The following LDLRAD2 variants were observed in gnomAD, a reference collection of about 807,000 sequenced individuals.
LDLRAD2 encodes the protein low density lipoprotein receptor class A domain containing 2, also known as low-density lipoprotein receptor class A domain-containing protein 2.
Under a neutral mutation model 24.9 loss-of-function variants are expected in LDLRAD2, and 25 were observed. The ratio of observed to expected loss-of-function variants is 1.00; its 90% CI spans 0.73 to 1.40. The LOEUF is 1.40. LDLRAD2 is among the 40% of genes most tolerant of loss of function. The pLI is 0.00. For synonymous variants in LDLRAD2, 182 were observed against 166.7 expected (o/e 1.09, Z -0.71); for missense variants, 391 against 366.2 (o/e 1.07, Z -0.55).
rs555241640 is a variant in LDLRAD2, at chr1:21,823,385, C to T, written c.*1170C>T. The T allele has an allele frequency of 1.3e-5, 20 of 1,554,710 alleles. No individual in the cohort carries two copies. Among genetic ancestry groups the T allele is most frequent in the East Asian group, 9.5e-5 (4 of 42,072 alleles). On this transcript the variant is annotated 3_prime_UTR_variant, in exon 5 of 5. Transcript: ENST00000344642. Reference sequence around the variant, plus strand: ...GCTGCAGGTCCAGGGGCTGTGGGGGCGGGGCGCCGGGTCGGGCCGAGTGCA... The same window carrying T: ...GCTGCAGGTCCAGGGGCTGTGGGGGTGGGGCGCCGGGTCGGGCCGAGTGCA...
rs771045786 is a variant in LDLRAD2, at chr1:21,823,325, G to A, written c.*1110G>A. On this transcript the variant is annotated 3_prime_UTR_variant, in exon 5 of 5. Transcript: ENST00000344642. ...TGGGGCAGGCAGGTGCCTACGAGGG[G>A]CAGGGGCGTGTGTTGGCCCCGGCCT... 4 of 1,537,904 alleles carry A rather than the reference G, an allele frequency of 2.6e-6. No homozygotes were observed. The South Asian group carries it at 3.6e-5, about 14-fold the overall frequency.
chr1:21,824,885 C>T lies in LDLRAD2; in HGVS notation c.*2670C>T. 2 of 1,069,032 alleles carry T rather than the reference C, an allele frequency of 1.9e-6. No homozygotes were observed. Among genetic ancestry groups the T allele is most frequent in the East Asian group, 2.6e-5 (1 of 38,638 alleles). 66.2% of individuals were successfully genotyped at this position (1,069,032 alleles called of 1,614,324 possible). A position where few individuals can be genotyped will look rare whatever the true frequency, so the allele number is the denominator to read the frequency against. ...CACGCCAACATGCAGGACTAGGGGG[C>T]TCCGAGCCTGCAGTCCCTGGGGACC... On this transcript the variant is annotated 3_prime_UTR_variant, in exon 5 of 5. Transcript: ENST00000344642. This position sits in a 1 kb window ranked among gnomAD's most constrained non-coding sequence, Gnocchi z 5.9.
chr1:21,822,174 C>T (rs2097953299), intron 4 of LDLRAD2, 28 bp from the exon 5 acceptor site: 1 of 1,614,022 alleles, frequency 6.2e-7, no homozygotes, highest in Non-Finnish European at 8.5e-7. Context: ...CCCCAGATCT[C>T]ACCTGCCCTG....
chr1:21,816,320 A>C (rs1475657323), intron 3 of LDLRAD2, among the ~76,000 whole-genome samples: 1 of 152,222 alleles, frequency 6.6e-6, no homozygotes, highest in Non-Finnish European at 1.5e-5. Context: ...GGGACCTGGC[A>C]TGGAGGCCCA....
chr1:21,816,503 G>A (rs1323572729), intron 3 of LDLRAD2, among the ~76,000 whole-genome samples: 5 of 152,182 alleles, frequency 3.3e-5, no homozygotes, highest in Non-Finnish European at 1.5e-5. Context: ...AGAGAGAAGT[G>A]ACTTGCCCAA....
chr1:21,822,288 C>T lies in LDLRAD2; in HGVS notation c.*73C>T, dbSNP rs1380816629. 6.7e-7 allele frequency: 1 copy of T among 1,492,876 alleles called. No homozygotes were observed. The highest frequency in any genetic ancestry group is 9.3e-7 in the Non-Finnish European group (1 of 1,071,212). 92.5% of individuals were successfully genotyped at this position (1,492,876 alleles called of 1,614,324 possible). A position where few individuals can be genotyped will look rare whatever the true frequency, so the allele number is the denominator to read the frequency against. ...TATTAAGAAAAATCAAGACAAAGAC[C>T]ACAGGAGGGTCCCTTCTAGGACACA... On this transcript the variant is annotated 3_prime_UTR_variant, in exon 5 of 5. Transcript: ENST00000344642.
chr1:21,822,562 G>T lies in LDLRAD2; in HGVS notation c.*347G>T. 2 of 333,304 alleles carry T rather than the reference G, an allele frequency of 6.0e-6. No individual in the cohort carries two copies. Among genetic ancestry groups the T allele is most frequent in the Non-Finnish European group, 5.7e-6 (1 of 174,118 alleles). 20.6% of individuals were successfully genotyped at this position (333,304 alleles called of 1,614,324 possible). A position where few individuals can be genotyped will look rare whatever the true frequency, so the allele number is the denominator to read the frequency against. On this transcript the variant is annotated 3_prime_UTR_variant, in exon 5 of 5. Coordinates refer to ENST00000344642, the MANE Select transcript of LDLRAD2 (RefSeq NM_001013693.3). ...GATGGGTGGGGATGTGGCCTGGGGT[G>T]GGCGGGGCCCGGTGGGCGGGGCCCT... is the stretch of plus-strand genomic sequence containing the variant.
At chr1:21,818,019 GGT>G (rs1491430924) in intron 3 of LDLRAD2, among the ~76,000 whole-genome samples, 5 of 151,932 alleles carry the variant, frequency 3.3e-5, no homozygotes, top group Non-Finnish European at 5.9e-5. Flanking sequence ...TGGGATTACA[GGT>G]GCACACCACC....
At position 21,815,940 on chromosome 1, in the gene LDLRAD2, C is replaced by T. The variant is rs773018721; in HGVS notation, c.512-3C>T. On this transcript the variant is annotated splice_region_variant and splice_polypyrimidine_tract_variant and intron_variant, in intron 2 of 4. Transcript: ENST00000344642. Reference sequence around the variant, plus strand: ...CACCTCAGGCTTCTGCTTCTGGCCTCAGGACCTTGTGGTGCCTACTTCCGC... The same window carrying T: ...CACCTCAGGCTTCTGCTTCTGGCCTTAGGACCTTGTGGTGCCTACTTCCGC... 1.9e-6 allele frequency: 3 copies of T among 1,613,752 alleles called. No individual in the cohort carries two copies. The Admixed American group carries it at 5.0e-5, about 27-fold the overall frequency.
At chr1:21,813,855 T>C (rs13374837) in intron 1 of LDLRAD2, among the ~76,000 whole-genome samples, 17,080 of 145,608 alleles carry the variant, frequency 0.12, 1,081 homozygotes, top group East Asian at 0.23. Context: ...GGGCTCCTTA[T>C]CACACAGCTC....
rs2097963110 is a variant in LDLRAD2, at chr1:21,824,450, T to C, written c.*2235T>C. 3 of 1,600,816 alleles carry C rather than the reference T, an allele frequency of 1.9e-6. No individual in the cohort carries two copies. In the Admixed American group the frequency reaches 5.0e-5, roughly 27 times the overall value. On this transcript the variant is annotated 3_prime_UTR_variant, in exon 5 of 5. Coordinates refer to ENST00000344642, the MANE Select transcript of LDLRAD2 (RefSeq NM_001013693.3). This position sits in a 1 kb window ranked among gnomAD's most constrained non-coding sequence, Gnocchi z 5.9. Reference sequence around the variant, plus strand: ...GGCTGCCGAGGCCAGGGGGCTCTGCTTTCCCCTCCCCCCACCACTCCGGCC... The same window carrying C: ...GGCTGCCGAGGCCAGGGGGCTCTGCCTTCCCCTCCCCCCACCACTCCGGCC...
intron 1 of LDLRAD2, among the ~76,000 whole-genome samples, chr1:21,813,870 C>T (rs2097940941): frequency 1.1e-5 from 1 of 88,290 alleles, no homozygotes; most frequent in Admixed American, 1.6e-4. Flanking sequence ...CAGCTCTCCC[C>T]CTCCCCTTTT....
At chr1:21,815,915 C>T (rs754843141) in intron 2 of LDLRAD2, 28 bp from the exon 3 acceptor site, 3 of 1,612,534 alleles carry the variant, frequency 1.9e-6, no homozygotes, top group Non-Finnish European at 1.7e-6. Flanking sequence ...CCGGAATCCT[C>T]ACCTCAGGCT....
Position 21,816,439 on chromosome 1 carries a change from A to G in LDLRAD2, c.643+365A>G, listed in dbSNP as rs527311230. ...GTGTCACCCTCAAGACATACTTTGA[A>G]AACCATCAATCCAGTCTGATTCCCA... On this transcript the variant is annotated intron_variant, in intron 3 of 4. Coordinates refer to ENST00000344642, the MANE Select transcript of LDLRAD2 (RefSeq NM_001013693.3). Among the ~76,000 whole-genome samples, 5 of 152,312 alleles carry G rather than the reference A, an allele frequency of 3.3e-5. No individual in the cohort carries two copies. In the South Asian group the frequency reaches 6.2e-4, roughly 19 times the overall value.
intron 1 of LDLRAD2, among the ~76,000 whole-genome samples, chr1:21,813,112 T>C (rs1385105748): frequency 6.6e-6 from 1 of 152,104 alleles, no homozygotes; most frequent in Non-Finnish European, 1.5e-5. Flanking sequence ...CTGGCCAACA[T>C]GGTGAAACCA....
chr1:21,821,844 G>A (rs771402195), intron 4 of LDLRAD2: 33 of 1,426,416 alleles, frequency 2.3e-5, no homozygotes, highest in East Asian at 1.3e-4. Flanking sequence ...CCTGGTGCCC[G>A]TGGCCTCTGC....
chr1:21,812,800 A>G (rs185455342), intron 1 of LDLRAD2, among the ~76,000 whole-genome samples: 6 of 152,344 alleles, frequency 3.9e-5, no homozygotes, highest in Admixed American at 2.0e-4. Context: ...AAAACTCTGT[A>G]GGCTTCGGAT....
In LDLRAD2 at chr1:21,824,036, C is replaced by A; in HGVS notation, c.*1821C>A. ...AGTTCTGTCTCCACAGAGCTCAATA[C>A]CTGCCTCTCTGCCCATGGTAGGGGG... On this transcript the variant is annotated 3_prime_UTR_variant, in exon 5 of 5. Transcript: ENST00000344642. This position sits in a 1 kb window ranked among gnomAD's most constrained non-coding sequence, Gnocchi z 5.9. 2 of 1,278,350 alleles carry A rather than the reference C, an allele frequency of 1.6e-6. No individual in the cohort carries two copies. The highest frequency in any genetic ancestry group is 1.1e-6 in the Non-Finnish European group (1 of 896,434). The allele number at this position is 1,278,350 out of a possible 1,614,324, so 79.2% of individuals were successfully genotyped here. A position where few individuals can be genotyped will look rare whatever the true frequency, so the allele number is the denominator to read the frequency against.
intron 1 of LDLRAD2, among the ~76,000 whole-genome samples, chr1:21,813,195 T>C (rs1323119409): frequency 1.3e-5 from 2 of 152,088 alleles, no homozygotes; most frequent in African/African-American, 4.8e-5. Context: ...CTTGGGAGGC[T>C]GAGGCAGGAG....
Sources: gnomAD v4.1 joint callset for allele counts (sites outside exome capture counted in the v4.1 genomes callset) on GRCh38, gnomAD v4.1.1 for gene constraint, Gnocchi (gnomAD v3.1) non-coding constraint, MANE v1.5 for transcripts, NCBI Gene and HGNC (gene_info 2026-07-23, HGNC 2026-07-21) for gene names.